The following TRIM66 variants were observed in gnomAD, a reference collection of about 807,000 sequenced individuals.
TRIM66 encodes the protein tripartite motif containing 66.
A neutral mutation model predicts 148.2 loss-of-function variants in TRIM66; 99 were observed. That is an observed-to-expected ratio of 0.67 (90% CI 0.57 to 0.79). TRIM66 has a LOEUF of 0.79. TRIM66 is among the 30% of genes least tolerant of loss of function. The pLI, the probability that TRIM66 is intolerant of heterozygous loss-of-function variation, is 0.00. For synonymous variants in TRIM66, 616 were observed against 635.9 expected (o/e 0.97, Z 0.47); for missense variants, 1,666 against 1,697.9 (o/e 0.98, Z 0.33).
chr11:8,647,498 G>T (rs2036970425), intron 10 of TRIM66, among the ~76,000 whole-genome samples: 1 of 152,152 alleles, frequency 6.6e-6, no homozygotes, highest in Non-Finnish European at 1.5e-5. Flanking sequence ...CCCAGTGCCT[G>T]ACACATGAGG....
At chr11:8,628,528 G>C (rs2035069295) in intron 15 of TRIM66, among the ~76,000 whole-genome samples, 2 of 149,696 alleles carry the variant, frequency 1.3e-5, no homozygotes, top group South Asian at 4.2e-4. Context: ...TGGGAGGATT[G>C]CTTGAGCCCG....
intron 6 of TRIM66, among the ~76,000 whole-genome samples, chr11:8,670,412 T>G (rs1158345664): frequency 6.6e-6 from 1 of 152,234 alleles, no homozygotes; most frequent in East Asian, 1.9e-4. Context: ...GTACTCAATC[T>G]TTAGTTTCCA....
intron 6 of TRIM66, among the ~76,000 whole-genome samples, chr11:8,655,293 TG>T (rs1356903354): frequency 6.6e-6 from 1 of 152,172 alleles, no homozygotes; most frequent in African/African-American, 2.4e-5. Flanking sequence ...AGCAGAGGTG[TG>T]GGGCTTGGGA....
At position 8,638,786 on chromosome 11, in the gene TRIM66, G is replaced by A; in HGVS notation, c.2178C>T (p.Gly726=). Residue 726 remains glycine, a synonymous_variant, in exon 15 of 25, where the codon GGC becomes GGT. Transcript: ENST00000646038. ...TGTCAAGAGGGAGAGCCGGCTTTGA[G>A]CCCTGAGATGCTGGGGGCTCATCTG... ...QATDEPPASQ[G]SKPALPLDKN... 1 of 1,551,380 alleles carries A rather than the reference G, an allele frequency of 6.4e-7. No homozygotes were observed. Among genetic ancestry groups the A allele is most frequent in the South Asian group, 1.2e-5 (1 of 84,046 alleles).
chr11:8,661,286 C>A (rs1249528106), intron 6 of TRIM66, among the ~76,000 whole-genome samples: 1 of 152,182 alleles, frequency 6.6e-6, no homozygotes, highest in East Asian at 1.9e-4. Flanking sequence ...GATGCACGAT[C>A]CACAGCCTTC....
chr11:8,660,757 C>T (rs958197954), intron 6 of TRIM66, among the ~76,000 whole-genome samples: 1 of 152,200 alleles, frequency 6.6e-6, no homozygotes, highest in Non-Finnish European at 1.5e-5. Context: ...TTTGTGAACT[C>T]TAATTCTGAT....
chr11:8,620,710 T>C, intron 20 of TRIM66, 138 bp from the exon 21 acceptor site: 2 of 1,378,366 alleles, frequency 1.5e-6, no homozygotes, highest in Non-Finnish European at 1.9e-6. Context: ...AGCCACAGGC[T>C]TGGAAGAAAT....
At chr11:8,626,724 A>G (rs989398923) in intron 15 of TRIM66, among the ~76,000 whole-genome samples, 5 of 152,240 alleles carry the variant, frequency 3.3e-5, no homozygotes, top group African/African-American at 7.2e-5. Flanking sequence ...AAAACCCCGC[A>G]GTGCGCTACA....
At chr11:8,625,541 T>C (rs1030812551) in intron 15 of TRIM66, among the ~76,000 whole-genome samples, 3 of 149,046 alleles carry the variant, frequency 2.0e-5, no homozygotes, top group Non-Finnish European at 4.5e-5. Context: ...CTGAGGCATG[T>C]ACACACACAC....
In TRIM66 at chr11:8,621,776, G is replaced by T; in HGVS notation, c.3124C>A (p.Arg1042=). 1 of 1,550,724 alleles carries T rather than the reference G, an allele frequency of 6.4e-7. No individual in the cohort carries two copies. Among genetic ancestry groups the T allele is most frequent in the Non-Finnish European group, 8.7e-7 (1 of 1,146,750 alleles). ...EHKIPYVRLE[R]LKICAASSGE... ...GAGGAGGCAGCACAGATCTTGAGTC[G>T]CTCCAGTCGCACATAGGGAATCTTA... Residue 1042 remains arginine, a synonymous_variant, in exon 19 of 25, where the codon CGA becomes AGA. Transcript: ENST00000646038.
chr11:8,632,339 T>C (rs940467502), intron 15 of TRIM66, among the ~76,000 whole-genome samples: 2 of 151,710 alleles, frequency 1.3e-5, no homozygotes, highest in Non-Finnish European at 2.9e-5. Context: ...ATAAAGTGAA[T>C]GCTTCAACAG....
chr11:8,635,576 A>T (rs979058710), intron 15 of TRIM66, among the ~76,000 whole-genome samples: 1 of 152,190 alleles, frequency 6.6e-6, no homozygotes, highest in Non-Finnish European at 1.5e-5. Flanking sequence ...GCTTCCTCTA[A>T]GCCAGGATGA....
intron 6 of TRIM66, 39 bp downstream of exon 6, chr11:8,671,747 A>G (rs1178434246): frequency 1.1e-6 from 1 of 884,854 alleles, no homozygotes; most frequent in East Asian, 2.6e-5. Flanking sequence ...GAGACCTGTT[A>G]TGTAGTGGGA....
chr11:8,643,057 T>C lies in TRIM66; in HGVS notation c.1174A>G (p.Arg392Gly), dbSNP rs1413143803. 1 of 1,551,430 alleles carries C rather than the reference T, an allele frequency of 6.4e-7. No homozygotes were observed. Among genetic ancestry groups the C allele is most frequent in the South Asian group, 1.2e-5 (1 of 84,002 alleles). The change falls in exon 13 of 25, where the codon AGA becomes GGA. Residue 392 changes from arginine (R) to glycine (G), a missense_variant. Arg to Gly is a moderately radical substitution (Grantham distance 125). This residue lies in a region of TRIM66 where 1,431 missense variants were observed against 1,412.4 expected (regional missense o/e 1.01). Coordinates refer to ENST00000646038, the MANE Select transcript of TRIM66 (RefSeq NM_001388022.1). ...NTDPGSPWSI[R>G]FTWEPNFWTK... ...CAGAAGTTAGGCTCCCAGGTGAATC[T>C]GATACTCCAAGGGGAGCCAGGATCT...
At chr11:8,649,622 A>T in intron 8 of TRIM66, 118 bp downstream of exon 8, 1 of 1,356,276 alleles carries the variant, frequency 7.4e-7, no homozygotes, top group Non-Finnish European at 9.9e-7. Flanking sequence ...AGGCTCTGAG[A>T]CTGTCCCTAC....
rs748328459 is a variant in TRIM66 at position 8,619,002 on chromosome 11, T to C, written c.3901-34A>G. On this transcript the variant is annotated intron_variant, in intron 23 of 24. Coordinates refer to ENST00000646038, the MANE Select transcript of TRIM66 (RefSeq NM_001388022.1). ...GGAGGAGAGCAGTGATGGTCTAGCC[T>C]GTTTCTACCAGTCCATCTCTTTCGG... The C allele has an allele frequency of 2.9e-5, 45 of 1,533,146 alleles. No homozygotes were observed. In the South Asian group the frequency reaches 5.1e-4, roughly 18 times the overall value. The allele number at this position is 1,533,146 out of a possible 1,614,324, so 95.0% of individuals were successfully genotyped here.
intron 6 of TRIM66, among the ~76,000 whole-genome samples, chr11:8,670,169 T>C (rs12805082): frequency 6.9e-4 from 105 of 152,020 alleles, no homozygotes; most frequent in Non-Finnish European, 1.4e-3. Context: ...CGCAACACCA[T>C]GCCCGGCTAA....
intron 24 of TRIM66, 104 bp from the exon 25 acceptor site, chr11:8,618,107 ATT>A: frequency 1.8e-6 from 2 of 1,118,418 alleles, no homozygotes; most frequent in Non-Finnish European, 2.6e-6. Context: ...AACGTATTTT[ATT>A]CTACCCTAGG....
chr11:8,676,708 C>T (rs1468828987), intron 3 of TRIM66, among the ~76,000 whole-genome samples: 10 of 152,174 alleles, frequency 6.6e-5, no homozygotes, highest in Admixed American at 5.9e-4. Context: ...CCCATTTCTG[C>T]CCCCTTCTTA....
Sources: allele counts gnomAD v4.1 joint callset (sites outside exome capture counted in the v4.1 genomes callset), GRCh38; gene constraint gnomAD v4.1.1; regional missense constraint gnomAD v4.1.1; transcripts MANE v1.5; gene names NCBI Gene and HGNC (gene_info 2026-07-23, HGNC 2026-07-21).